Variants in ASPRV1 observed in about 807,000 individuals in gnomAD.
ASPRV1 encodes the protein aspartic peptidase retroviral like 1.
ASPRV1 carries 7 observed loss-of-function variants against 11.0 expected under a neutral mutation model. The observed-to-expected ratio is 0.64, with a 90% CI of 0.36 to 1.20. ASPRV1 has a LOEUF of 1.20. Among genes scored for constraint, ASPRV1 ranks in the 50% most tolerant of loss-of-function variants. The pLI is 0.02. For synonymous variants in ASPRV1, 136 were observed against 138.4 expected (o/e 0.98, Z 0.12); for missense variants, 299 against 320.0 (o/e 0.93, Z 0.50).
the ASPRV1 span, among the ~76,000 whole-genome samples, chr2:70,028,897 G>A: frequency 5.3e-5 from 8 of 152,032 alleles, no homozygotes; most frequent in East Asian, 1.9e-4. Context: ...AGCTGAGGCC[G>A]TGCCACTGCA....
At chr2:70,041,104 A>G in the ASPRV1 span, among the ~76,000 whole-genome samples, 3 of 152,232 alleles carry the variant, frequency 2.0e-5, no homozygotes, top group Non-Finnish European at 4.4e-5. Flanking sequence ...ACCTAAGGAC[A>G]TGGTCCATCC....
At chr2:69,937,415 T>C in the ASPRV1 span, 1 of 1,576,674 alleles carries the variant, frequency 6.3e-7, no homozygotes. Flanking sequence ...CTCACTCTCC[T>C]CCCTGTCTCC....
At chr2:70,072,082 G>A in the ASPRV1 span, among the ~76,000 whole-genome samples, 3 of 151,952 alleles carry the variant, frequency 2.0e-5, no homozygotes, top group East Asian at 2.0e-4. Flanking sequence ...CTCCCGAGTA[G>A]GTAGGATCAC....
At chr2:70,085,770 A>G in the ASPRV1 span, 5 of 152,370 alleles carry the variant, frequency 3.3e-5, no homozygotes, top group Middle Eastern at 0.014. Flanking sequence ...TCCCTTCTAG[A>G]CTAAAAATGA....
chr2:70,082,902 A>C, the ASPRV1 span, among the ~76,000 whole-genome samples: 1 of 152,142 alleles, frequency 6.6e-6, no homozygotes, highest in Non-Finnish European at 1.5e-5. Context: ...TCAAAAAATA[A>C]ATAAAAATTA....
At chr2:70,024,129 A>T in the ASPRV1 span, among the ~76,000 whole-genome samples, 1 of 152,014 alleles carries the variant, frequency 6.6e-6, no homozygotes, top group African/African-American at 2.4e-5. Flanking sequence ...TAATATTAGC[A>T]TGAAAAATGG....
At chr2:70,086,640 C>T in the ASPRV1 span, among the ~76,000 whole-genome samples, 41 of 152,204 alleles carry the variant, frequency 2.7e-4, no homozygotes, top group African/African-American at 9.4e-4. Context: ...CCTGAACAAA[C>T]GAGGCCTCCA....
the ASPRV1 span, among the ~76,000 whole-genome samples, chr2:69,995,827 C>G: frequency 6.6e-6 from 1 of 152,092 alleles, no homozygotes; most frequent in Non-Finnish European, 1.5e-5. Flanking sequence ...AGGGCTGAGG[C>G]CAGCGTTAGG....
the ASPRV1 span, among the ~76,000 whole-genome samples, chr2:70,058,551 AT>A: frequency 0.017 from 2,392 of 138,468 alleles, 30 homozygotes; most frequent in African/African-American, 0.044. Flanking sequence ...CTCTGAAGAA[AT>A]TTTTTTTTTT....
chr2:70,017,202 A>C, the ASPRV1 span, among the ~76,000 whole-genome samples: 1 of 152,222 alleles, frequency 6.6e-6, no homozygotes, highest in Non-Finnish European at 1.5e-5. Flanking sequence ...CATGTTAGCC[A>C]GGATGGTCTC....
chr2:70,064,725 A>G, the ASPRV1 span, among the ~76,000 whole-genome samples: 1 of 152,182 alleles, frequency 6.6e-6, no homozygotes, highest in South Asian at 2.1e-4. Context: ...AAGTTGTTTT[A>G]CTATTCACTT....
At chr2:69,975,152 C>T in the ASPRV1 span, among the ~76,000 whole-genome samples, 1 of 152,232 alleles carries the variant, frequency 6.6e-6, no homozygotes, top group Admixed American at 6.5e-5. Context: ...GCCCCCAGCC[C>T]CTCCCTTGAA....
the ASPRV1 span, among the ~76,000 whole-genome samples, chr2:70,000,908 G>A: frequency 8.0e-5 from 12 of 150,716 alleles, no homozygotes; most frequent in African/African-American, 2.7e-4. Context: ...AAGAGTCCAA[G>A]TAATAAAAAG....
the ASPRV1 span, among the ~76,000 whole-genome samples, chr2:70,066,881 C>T: frequency 7.9e-5 from 12 of 152,084 alleles, no homozygotes; most frequent in African/African-American, 2.7e-4. Context: ...TGAGCCACCA[C>T]GCCTGGCCCA....
the ASPRV1 span, among the ~76,000 whole-genome samples, chr2:70,077,836 C>T: frequency 1.7e-4 from 26 of 151,548 alleles, 1 homozygote; most frequent in Non-Finnish European, 2.8e-4. Flanking sequence ...GCCTGGACAA[C>T]AAGAGCGAAA....
the ASPRV1 span, among the ~76,000 whole-genome samples, chr2:69,982,226 G>A: frequency 6.6e-6 from 1 of 151,858 alleles, no homozygotes; most frequent in Non-Finnish European, 1.5e-5. Context: ...TGCCTATAAA[G>A]GAGGATCATT....
chr2:70,033,598 G>A, the ASPRV1 span, among the ~76,000 whole-genome samples: 1 of 151,988 alleles, frequency 6.6e-6, no homozygotes, highest in Non-Finnish European at 1.5e-5. Flanking sequence ...CAGCACCGAG[G>A]AACAAAAAGA....
the ASPRV1 span, among the ~76,000 whole-genome samples, chr2:70,074,237 G>C: frequency 6.7e-6 from 1 of 149,212 alleles, no homozygotes; most frequent in Non-Finnish European, 1.5e-5. Context: ...TACTTCCTAT[G>C]ATCAATTACA....
At chr2:69,954,599 C>G in the ASPRV1 span, among the ~76,000 whole-genome samples, 1 of 151,638 alleles carries the variant, frequency 6.6e-6, no homozygotes, top group African/African-American at 2.4e-5. Context: ...CCCGTCTTCT[C>G]CTCCTGTCTC....
Sources: gnomAD v4.1 joint callset for allele counts (sites outside exome capture counted in the v4.1 genomes callset) on GRCh38, gnomAD v4.1.1 for gene constraint, MANE v1.5 for transcripts, NCBI Gene and HGNC (gene_info 2026-07-23, HGNC 2026-07-21) for gene names.